Variants in STK10 observed in about 807,000 individuals in gnomAD.
STK10 encodes serine/threonine-protein kinase 10.
A neutral mutation model predicts 113.8 loss-of-function variants in STK10; 78 were observed. The ratio of observed to expected loss-of-function variants is 0.69; its 90% CI spans 0.57 to 0.83. STK10 has a LOEUF of 0.83. Among genes scored for constraint, STK10 ranks in the 40% least tolerant of loss-of-function variants. The pLI, the probability that STK10 is intolerant of heterozygous loss-of-function variation, is 0.00. For missense variants in STK10, 1,109 were observed against 1,280.1 expected, an observed-to-expected ratio of 0.87 and a Z score of 2.04; for synonymous variants, 465 against 494.7, an observed-to-expected ratio of 0.94 and a Z score of 0.80.
intron 10 of STK10, among the ~76,000 whole-genome samples, chr5:172,083,516 A>G (rs903572390): frequency 2.0e-4 from 31 of 152,206 alleles, no homozygotes; most frequent in African/African-American, 7.2e-4. Context: ...ACATTTCTGG[A>G]GGACAATTTG....
chr5:172,136,078 A>G (rs1769852553), intron 2 of STK10, among the ~76,000 whole-genome samples: 1 of 152,092 alleles, frequency 6.6e-6, no homozygotes, highest in Non-Finnish European at 1.5e-5. Context: ...AAAAAAGAAA[A>G]AAAAACCTCA....
intron 1 of STK10, among the ~76,000 whole-genome samples, chr5:172,157,578 ATC>A (rs1188005183): frequency 6.6e-6 from 1 of 152,038 alleles, no homozygotes; most frequent in African/African-American, 2.4e-5. Context: ...ATTTTTTTAA[ATC>A]TGTTTAAAAA....
Position 172,188,207 on chromosome 5 carries a change from C to A in STK10, c.-165G>T. The A allele has an allele frequency of 8.2e-7, 1 of 1,222,154 alleles. No homozygotes were observed. 75.7% of individuals were successfully genotyped at this position (1,222,154 alleles called of 1,614,324 possible). A position where few individuals can be genotyped will look rare whatever the true frequency, so the allele number is the denominator to read the frequency against. On this transcript the variant is annotated 5_prime_UTR_variant, in exon 1 of 19. Transcript: ENST00000176763. The surrounding 1 kb of genome is among the most constrained non-coding windows in gnomAD (Gnocchi z 5.6). The stretch of plus-strand genomic sequence containing the variant: ...CGACCTCGGTCAAGTGTGCCCTGGG[C>A]AGCGCCGCGCCGGGAGCACCCGGAA...
At chr5:172,080,141 T>C (rs746127420) in intron 12 of STK10, among the ~76,000 whole-genome samples, 1 of 152,162 alleles carries the variant, frequency 6.6e-6, no homozygotes, top group Non-Finnish European at 1.5e-5. Flanking sequence ...ATGAGTGAGC[T>C]CTGATGTTAC....
chr5:172,107,329 T>G (rs1444934999), intron 5 of STK10, among the ~76,000 whole-genome samples: 3 of 152,104 alleles, frequency 2.0e-5, no homozygotes, highest in Non-Finnish European at 4.4e-5. Context: ...GTGTTTTGCT[T>G]TTAAAGTAAT....
chr5:172,089,364 T>G (rs1207464052), intron 10 of STK10, among the ~76,000 whole-genome samples: 5 of 137,702 alleles, frequency 3.6e-5, no homozygotes, highest in South Asian at 2.2e-4. Context: ...GGTCACCACC[T>G]TGTCTCCAAC....
intron 2 of STK10, among the ~76,000 whole-genome samples, chr5:172,143,542 GC>G (rs1770021345): frequency 6.6e-6 from 1 of 152,118 alleles, no homozygotes; most frequent in Admixed American, 6.6e-5. Flanking sequence ...ATAAATGTTA[GC>G]AAAACTCCTA....
intron 15 of STK10, among the ~76,000 whole-genome samples, chr5:172,056,342 T>C (rs1767756147): frequency 6.6e-6 from 1 of 152,206 alleles, no homozygotes; most frequent in African/African-American, 2.4e-5. Context: ...TGTCTGTCAC[T>C]GTCCCACTAT....
intron 1 of STK10, among the ~76,000 whole-genome samples, chr5:172,165,290 A>AAC (rs1554123759): frequency 6.6e-6 from 1 of 151,874 alleles, no homozygotes; most frequent in Non-Finnish European, 1.5e-5. Flanking sequence ...CAGCTCCCCA[A>AAC]CCCAACTCTG....
At chr5:172,059,720 G>C (rs1273044284) in intron 14 of STK10, among the ~76,000 whole-genome samples, 1 of 152,092 alleles carries the variant, frequency 6.6e-6, no homozygotes, top group Non-Finnish European at 1.5e-5. Context: ...CCTGCTGGAT[G>C]GTGGCCCGCA....
intron 3 of STK10, among the ~76,000 whole-genome samples, chr5:172,118,605 C>T (rs984252779): frequency 1.3e-5 from 2 of 152,080 alleles, no homozygotes; most frequent in Non-Finnish European, 2.9e-5. Context: ...TGGGGCCAGA[C>T]GCAGTGGCTC....
intron 7 of STK10, 25 bp from the exon 8 acceptor site, chr5:172,096,585 T>C (rs753239461): frequency 1.2e-6 from 2 of 1,610,858 alleles, no homozygotes. Flanking sequence ...TGCACCCAGA[T>C]TAGAACCACT....
Position 172,082,590 on chromosome 5 carries a change from G to T in STK10, c.1810-85C>A. 1 of 1,473,662 alleles carries T rather than the reference G, an allele frequency of 6.8e-7. No homozygotes were observed. The highest frequency in any genetic ancestry group is 9.1e-7 in the Non-Finnish European group (1 of 1,102,366). The allele number at this position is 1,473,662 out of a possible 1,614,324, so 91.3% of individuals were successfully genotyped here. The stretch of plus-strand genomic sequence containing the variant: ...TGGGAAGTGGAATGGGGAGAACTCA[G>T]AGCTTGTGATCAGACCTAAGCTTGA... On this transcript the variant is annotated intron_variant, in intron 11 of 18. Transcript: ENST00000176763. This position sits in a 1 kb window ranked among gnomAD's most constrained non-coding sequence, Gnocchi z 4.3.
rs1318426311 is a variant in STK10, at chr5:172,167,799, A to C, written c.157-11011T>G. Among the ~76,000 whole-genome samples, 3 of 152,310 alleles carry C rather than the reference A, an allele frequency of 2.0e-5. No individual in the cohort carries two copies. The East Asian group carries it at 5.8e-4, about 29-fold the overall frequency. On this transcript the variant is annotated intron_variant, in intron 1 of 18. Coordinates refer to ENST00000176763, the MANE Select transcript of STK10 (RefSeq NM_005990.4). ...ATTGAACAGAGCAGGTACATACAGA[A>C]CACTTCGATCACTGTAGAAAGTTCA...
At chr5:172,061,702 G>A (rs113768079) in intron 13 of STK10, 1,700 of 154,526 alleles carry the variant, frequency 0.011, 31 homozygotes, top group African/African-American at 0.038. Flanking sequence ...TGCCTGCCTC[G>A]TCCTCCCAAA....
intron 1 of STK10, among the ~76,000 whole-genome samples, chr5:172,180,319 G>C (rs1806508): frequency 1.5e-3 from 233 of 150,444 alleles, no homozygotes; most frequent in Non-Finnish European, 2.2e-3. Context: ...ACAAAAATTA[G>C]CTGGGCATGG....
rs772430304 is a variant in STK10, at chr5:172,044,920, C to T, written c.2869G>A (p.Ala957Thr). 32 of 1,614,058 alleles carry T rather than the reference C, an allele frequency of 2.0e-5. No homozygotes were observed. The highest frequency in any genetic ancestry group is 1.8e-4 in the East Asian group (8 of 44,896). ...CPNPSTPSKA[A>T]KFFPYSSADA... ...GCAGAACTGTAGGGGAAGAACTTGG[C>T]GGCCTTGCTTGGGGTGGAGGGGTTT... The change falls in exon 19 of 19, where the codon GCC (alanine) becomes ACC (threonine). Residue 957 changes from alanine to threonine, a missense_variant. Transcript: ENST00000176763. The surrounding 1 kb of genome is among the most constrained non-coding windows in gnomAD (Gnocchi z 4.5).
intron 2 of STK10, among the ~76,000 whole-genome samples, chr5:172,155,567 A>C (rs191361638): frequency 9.1e-4 from 139 of 152,200 alleles, no homozygotes; most frequent in African/African-American, 3.2e-3. Context: ...GATGTCCATC[A>C]CAGAGTTGTT....
At chr5:172,175,147 C>G (rs1770735903) in intron 1 of STK10, among the ~76,000 whole-genome samples, 1 of 152,102 alleles carries the variant, frequency 6.6e-6, no homozygotes, top group Non-Finnish European at 1.5e-5. Flanking sequence ...TCCAGAGCAG[C>G]TAGGACTAGA....
Sources: allele counts gnomAD v4.1 joint callset (sites outside exome capture counted in the v4.1 genomes callset), GRCh38; gene constraint gnomAD v4.1.1; non-coding constraint Gnocchi (gnomAD v3.1); transcripts MANE v1.5; gene names NCBI Gene and HGNC (gene_info 2026-07-23, HGNC 2026-07-21).